NLGN1: variants seen among roughly 807,000 people sequenced by gnomAD.
NLGN1 encodes neuroligin 1, also known as neuroligin-1.
In NLGN1, 12 loss-of-function variants were observed where a neutral mutation model predicts 65.5. The ratio of observed to expected loss-of-function variants is 0.18; its 90% CI spans 0.12 to 0.30. NLGN1 has a LOEUF of 0.30. Among genes scored for constraint, NLGN1 ranks in the 10% least tolerant of loss-of-function variants. The probability of loss-of-function intolerance (pLI) is 1.00; values close to 1 mark genes in which losing one functional copy is unlikely to be tolerated. For synonymous variants in NLGN1, 350 were observed against 359.5 expected, an observed-to-expected ratio of 0.97 and a Z score of 0.30; for missense variants, 750 against 1,007.1, an observed-to-expected ratio of 0.74 and a Z score of 3.46.
chr3:174,275,991 A>G (rs1449377853), intron 5 of NLGN1, among the ~76,000 whole-genome samples: 1 of 151,864 alleles, frequency 6.6e-6, no homozygotes, highest in Non-Finnish European at 1.5e-5. Context: ...AAAACATGTG[A>G]TTTCACTTGT....
chr3:174,136,108 A>G (rs1446047806), intron 4 of NLGN1, among the ~76,000 whole-genome samples: 1 of 152,152 alleles, frequency 6.6e-6, no homozygotes, highest in African/African-American at 2.4e-5. Context: ...TGAAATTGCA[A>G]GATTGGAACA....
intron 2 of NLGN1, among the ~76,000 whole-genome samples, chr3:173,438,356 G>A (rs980433419): frequency 6.6e-6 from 1 of 152,002 alleles, no homozygotes; most frequent in Non-Finnish European, 1.5e-5. Context: ...GAAAAAAAAT[G>A]AGCCTTATAC....
At chr3:173,777,169 G>A (rs1476802994) in intron 3 of NLGN1, among the ~76,000 whole-genome samples, 2 of 151,872 alleles carry the variant, frequency 1.3e-5, no homozygotes, top group African/African-American at 4.8e-5. Flanking sequence ...CGTTTGAAAA[G>A]AATAAATGAG....
At position 173,779,728 on chromosome 3, in the gene NLGN1, A is replaced by G. The variant is rs189773508; in HGVS notation, c.494-27952A>G. 1.3e-4 allele frequency among the ~76,000 whole-genome samples: 20 copies of G among 152,266 alleles called. No homozygotes were observed. In the East Asian group the frequency reaches 2.5e-3, roughly 19 times the overall value. ...ATATTACCAAAAAATGAGAAAATCA[A>G]ACTGTGTTTCAGATAAGTGGATTTT... On this transcript the variant is annotated intron_variant, in intron 3 of 6. Coordinates refer to ENST00000457714, the Ensembl canonical transcript of NLGN1.
intron 4 of NLGN1, among the ~76,000 whole-genome samples, chr3:173,827,837 T>C (rs898526205): frequency 1.3e-5 from 2 of 151,850 alleles, no homozygotes; most frequent in African/African-American, 4.8e-5. Context: ...GAGCAGAAAA[T>C]AGATGTTCCT....
chr3:174,088,665 A>G (rs1743901009), intron 4 of NLGN1, among the ~76,000 whole-genome samples: 1 of 151,704 alleles, frequency 6.6e-6, no homozygotes, highest in South Asian at 2.1e-4. Flanking sequence ...AGGCAGGAGA[A>G]TGGTGTGAAC....
chr3:173,619,231 A>G (rs914116507), intron 3 of NLGN1, among the ~76,000 whole-genome samples: 2 of 152,176 alleles, frequency 1.3e-5, no homozygotes, highest in African/African-American at 4.8e-5. Context: ...CAACTAAAAC[A>G]CTATGACCAC....
intron 2 of NLGN1, among the ~76,000 whole-genome samples, chr3:173,508,882 TCCAC>T (rs532028039): frequency 1.4e-3 from 216 of 152,256 alleles, no homozygotes; most frequent in African/African-American, 4.8e-3. Flanking sequence ...CTTTTCTTGG[TCCAC>T]CTGTTCATTC....
At chr3:173,632,849 GTTT>G (rs5854526) in intron 3 of NLGN1, among the ~76,000 whole-genome samples, 25,742 of 116,688 alleles carry the variant, frequency 0.22, 2,694 homozygotes, top group Middle Eastern at 0.39. Context: ...TTTTTTTTTT[GTTT>G]TTTTTTTTTT....
At chr3:174,051,561 A>C (rs1335907946) in intron 4 of NLGN1, among the ~76,000 whole-genome samples, 1 of 152,092 alleles carries the variant, frequency 6.6e-6, no homozygotes, top group Non-Finnish European at 1.5e-5. Context: ...TCAAGTCTAC[A>C]TGGATGCCTA....
intron 4 of NLGN1, among the ~76,000 whole-genome samples, chr3:173,878,140 C>A (rs1418576463): frequency 4.6e-5 from 7 of 152,168 alleles, no homozygotes; most frequent in Admixed American, 3.3e-4. Flanking sequence ...CTCCCGGGTT[C>A]AAGCGATTCT....
intron 2 of NLGN1, among the ~76,000 whole-genome samples, chr3:173,482,909 A>T (rs1182741362): frequency 6.6e-6 from 1 of 152,014 alleles, no homozygotes; most frequent in Non-Finnish European, 1.5e-5. Context: ...AGGACAAAAA[A>T]CGTCTACTTT....
intron 4 of NLGN1, among the ~76,000 whole-genome samples, chr3:174,044,121 G>T (rs780365304): frequency 3.9e-5 from 6 of 152,030 alleles, no homozygotes; most frequent in Non-Finnish European, 7.4e-5. Flanking sequence ...CAGCTGGGAT[G>T]CAGGGCATCA....
intron 4 of NLGN1, among the ~76,000 whole-genome samples, chr3:174,240,012 A>G (rs1416245363): frequency 1.3e-5 from 2 of 152,200 alleles, no homozygotes; most frequent in Non-Finnish European, 1.5e-5. Flanking sequence ...TCTTTATAGA[A>G]TGTATACTAC....
intron 4 of NLGN1, among the ~76,000 whole-genome samples, chr3:173,834,383 GCTC>G (rs1343427913): frequency 6.6e-6 from 1 of 151,842 alleles, no homozygotes; most frequent in Non-Finnish European, 1.5e-5. Context: ...TTTAAAATCA[GCTC>G]CTCTAGTTTT....
chr3:173,508,041 C>T (rs1418309363), intron 2 of NLGN1, among the ~76,000 whole-genome samples: 1 of 152,156 alleles, frequency 6.6e-6, no homozygotes, highest in Non-Finnish European at 1.5e-5. Flanking sequence ...GTTGTAAATG[C>T]TGTCTTCAGG....
chr3:173,631,888 A>C (rs1380941828), intron 3 of NLGN1, among the ~76,000 whole-genome samples: 3 of 146,878 alleles, frequency 2.0e-5, no homozygotes, highest in African/African-American at 7.8e-5. Context: ...TTCAAGATGA[A>C]ATTTAAAATG....
intron 4 of NLGN1, among the ~76,000 whole-genome samples, chr3:174,223,451 T>G (rs976338975): frequency 6.6e-6 from 1 of 152,200 alleles, no homozygotes; most frequent in Non-Finnish European, 1.5e-5. Flanking sequence ...CATTCATTTT[T>G]CTACCTCTTT....
chr3:173,821,413 A>G (rs1578616680), intron 4 of NLGN1, among the ~76,000 whole-genome samples: 1 of 152,292 alleles, frequency 6.6e-6, no homozygotes, highest in Non-Finnish European at 1.5e-5. Context: ...GTTTATTCCT[A>G]TGTTATTTAA....
Sources: allele counts gnomAD v4.1 joint callset (sites outside exome capture counted in the v4.1 genomes callset), GRCh38; gene constraint gnomAD v4.1.1; transcripts MANE v1.5; gene names NCBI Gene and HGNC (gene_info 2026-07-23, HGNC 2026-07-21).